The following SPATA6 variants were observed in gnomAD, a reference collection of about 807,000 sequenced individuals.
The protein encoded by SPATA6 is spermatogenesis associated 6, also known as spermatogenesis-associated protein 6.
A neutral mutation model predicts 65.3 loss-of-function variants in SPATA6; 56 were observed. The observed-to-expected ratio is 0.86, with a 90% CI of 0.69 to 1.07. The LOEUF (loss-of-function observed/expected upper bound fraction) is 1.07, where lower values mean the gene tolerates loss of function less well. Ranked by LOEUF, SPATA6 falls within the 50% of genes least tolerant of loss-of-function variation. The probability of loss-of-function intolerance (pLI) is 0.00; values close to 1 mark genes in which losing one functional copy is unlikely to be tolerated. For missense variants in SPATA6, 590 were observed against 594.8 expected (o/e 0.99, Z 0.08); for synonymous variants, 199 against 213.2 (o/e 0.93, Z 0.58).
At chr1:48,342,788 A>G (rs180702151) in intron 11 of SPATA6, among the ~76,000 whole-genome samples, 1 of 152,272 alleles carries the variant, frequency 6.6e-6, no homozygotes, top group East Asian at 1.9e-4. Flanking sequence ...TGCTGTTCAC[A>G]CATGGGTCCA....
At chr1:48,377,215 T>C (rs553173268) in intron 9 of SPATA6, among the ~76,000 whole-genome samples, 1 of 152,302 alleles carries the variant, frequency 6.6e-6, no homozygotes, top group African/African-American at 2.4e-5. Context: ...AGTATAAATC[T>C]CGCCATGTCA....
intron 11 of SPATA6, among the ~76,000 whole-genome samples, chr1:48,323,475 A>C (rs2148708191): frequency 6.6e-6 from 1 of 152,236 alleles, no homozygotes; most frequent in Non-Finnish European, 1.5e-5. Context: ...GTAAATGATG[A>C]GTTGATGGGT....
intron 1 of SPATA6, among the ~76,000 whole-genome samples, chr1:48,461,514 T>G (rs922343543): frequency 2.6e-5 from 4 of 152,236 alleles, no homozygotes; most frequent in African/African-American, 9.6e-5. Context: ...TTAATTTTTG[T>G]ATAAGCTGTA....
At chr1:48,278,517 G>A in the SPATA6 span, among the ~76,000 whole-genome samples, 10 of 152,298 alleles carry the variant, frequency 6.6e-5, no homozygotes, top group East Asian at 5.8e-4. Context: ...GCCAAGGCTC[G>A]AGAACTACAT....
chr1:48,303,251 C>T (rs1413843171), intron 12 of SPATA6, among the ~76,000 whole-genome samples: 1 of 152,124 alleles, frequency 6.6e-6, no homozygotes, highest in African/African-American at 2.4e-5. Context: ...TCACCTCAAA[C>T]ATTTATCACT....
rs144588885 is a variant in SPATA6 at position 48,411,587 on chromosome 1, C to T, written c.282G>A (p.Val94=). The T allele has an allele frequency of 1.5e-5, 24 of 1,578,000 alleles. No individual in the cohort carries two copies. Among genetic ancestry groups the T allele is most frequent in the Non-Finnish European group, 2.1e-5 (24 of 1,164,130 alleles). The change falls in exon 5 of 13, where the codon GTG becomes GTA. Residue 94 remains valine (V), a splice_region_variant and synonymous_variant. Transcript: ENST00000371847. ...VFELIQLVPP[V]GETLSTYDEN... ...CGTCATACGTAGACAGTGTTTCACCCACTACAAGAAAGATACCCTATGATT... is the reference window on the plus strand; with the variant it reads ...CGTCATACGTAGACAGTGTTTCACCTACTACAAGAAAGATACCCTATGATT...
chr1:48,437,204 A>G (rs1570573846), intron 3 of SPATA6: 2 of 1,611,792 alleles, frequency 1.2e-6, no homozygotes, highest in East Asian at 4.5e-5. Flanking sequence ...GATGAAAAAG[A>G]CTCATACTTG....
chr1:48,269,005 T>C, the SPATA6 span, among the ~76,000 whole-genome samples: 1 of 152,186 alleles, frequency 6.6e-6, no homozygotes, highest in Admixed American at 6.5e-5. Context: ...GTTTGAGATC[T>C]CTAGGTATTC....
At chr1:48,454,356 A>C (rs1656841997) in intron 1 of SPATA6, among the ~76,000 whole-genome samples, 1 of 152,060 alleles carries the variant, frequency 6.6e-6, no homozygotes, top group Admixed American at 6.6e-5. Context: ...ACATAATATA[A>C]TACAACGTAA....
chr1:48,280,510 G>C, the SPATA6 span, among the ~76,000 whole-genome samples: 3 of 151,992 alleles, frequency 2.0e-5, no homozygotes, highest in East Asian at 5.8e-4. Flanking sequence ...TATCACCACC[G>C]ATCACACAGA....
chr1:48,364,033 T>C (rs1016945057), intron 9 of SPATA6, among the ~76,000 whole-genome samples: 2 of 152,006 alleles, frequency 1.3e-5, no homozygotes, highest in Admixed American at 6.6e-5. Flanking sequence ...TTCCCACCTA[T>C]GAATGAGAAC....
At chr1:48,325,518 A>T (rs1645731309) in intron 11 of SPATA6, 2 of 1,224,244 alleles carry the variant, frequency 1.6e-6, no homozygotes, top group Non-Finnish European at 2.4e-6. Flanking sequence ...ATCCTCACTG[A>T]ATGTCACCCG....
At chr1:48,367,419 G>C (rs1570328106) in intron 9 of SPATA6, among the ~76,000 whole-genome samples, 1 of 152,156 alleles carries the variant, frequency 6.6e-6, no homozygotes. Context: ...CATTATTATT[G>C]TGTGGGAGTC....
At chr1:48,347,656 T>C (rs1646408009) in intron 11 of SPATA6, among the ~76,000 whole-genome samples, 1 of 151,798 alleles carries the variant, frequency 6.6e-6, no homozygotes, top group African/African-American at 2.4e-5. Context: ...TGCTTTTCTG[T>C]AGTGCTTACT....
chr1:48,436,653 G>A, intron 3 of SPATA6: 3 of 1,614,174 alleles, frequency 1.9e-6, no homozygotes, highest in Non-Finnish European at 2.5e-6. Flanking sequence ...GCACATCAGT[G>A]CAGCCGTGGC....
intron 11 of SPATA6, among the ~76,000 whole-genome samples, chr1:48,330,679 T>G (rs555214834): frequency 6.6e-6 from 1 of 152,310 alleles, no homozygotes; most frequent in East Asian, 1.9e-4. Context: ...GGGCACAGCC[T>G]CCTGCTGCCC....
chr1:48,417,480 T>G (rs529156355), intron 3 of SPATA6, among the ~76,000 whole-genome samples: 1 of 152,226 alleles, frequency 6.6e-6, no homozygotes, highest in African/African-American at 2.4e-5. Flanking sequence ...TGTATGGAAT[T>G]TATCTGAGTC....
rs531962730 is a variant in SPATA6, at chr1:48,363,930, T to C, written c.910-4160A>G. On this transcript the variant is annotated intron_variant, in intron 9 of 12. Coordinates refer to ENST00000371847, the MANE Select transcript of SPATA6 (RefSeq NM_019073.4). ...CTCATCATTTAGCATTAGGTATACC[T>C]CTTAATGCTATCCCTCCCCCCTTCC... Among the ~76,000 whole-genome samples the C allele has an allele frequency of 7.9e-4, 121 of 152,216 alleles. 1 individual carries two copies. Among genetic ancestry groups the C allele is most frequent in the African/African-American group, 2.8e-3 (118 of 41,530 alleles).
At chr1:48,371,695 G>A (rs535783125) in intron 9 of SPATA6, among the ~76,000 whole-genome samples, 2 of 152,184 alleles carry the variant, frequency 1.3e-5, no homozygotes, top group African/African-American at 4.8e-5. Context: ...ACTGTAACAA[G>A]AGTGTTTGCA....
Sources: gnomAD v4.1 joint callset for allele counts (sites outside exome capture counted in the v4.1 genomes callset) on GRCh38, gnomAD v4.1.1 for gene constraint, MANE v1.5 for transcripts, NCBI Gene and HGNC (gene_info 2026-07-23, HGNC 2026-07-21) for gene names.